Variants in SUFU observed in about 807,000 individuals in gnomAD.
The protein encoded by SUFU is SUFU negative regulator of hedgehog signaling.
Under a neutral mutation model 58.9 loss-of-function variants are expected in SUFU, and 7 were observed. The observed-to-expected ratio is 0.12, with a 90% CI of 0.07 to 0.22. The LOEUF is 0.22. SUFU is among the 10% of genes least tolerant of loss of function. The pLI, the probability that SUFU is intolerant of heterozygous loss-of-function variation, is 1.00. For missense variants in SUFU, 451 were observed against 641.3 expected (o/e 0.70, Z 3.20); for synonymous variants, 232 against 254.8 (o/e 0.91, Z 0.85).
chr10:102,512,989 G>T (rs954785698), intron 2 of SUFU, among the ~76,000 whole-genome samples: 1 of 151,992 alleles, frequency 6.6e-6, no homozygotes, highest in Non-Finnish European at 1.5e-5. Flanking sequence ...GATCACTGGA[G>T]CCTGGGAGTT....
At chr10:102,569,591 C>A (rs2063140774) in intron 3 of SUFU, among the ~76,000 whole-genome samples, 1 of 152,210 alleles carries the variant, frequency 6.6e-6, no homozygotes, top group African/African-American at 2.4e-5. Flanking sequence ...TTATTGCTAT[C>A]TCTTCCTATA....
chr10:102,547,860 A>G lies in SUFU; in HGVS notation c.318-2110A>G, dbSNP rs534524987. Among the ~76,000 whole-genome samples, 3 of 152,046 alleles carry G rather than the reference A, an allele frequency of 2.0e-5. No individual in the cohort carries two copies. The South Asian group carries it at 6.2e-4, about 32-fold the overall frequency. On this transcript the variant is annotated intron_variant, in intron 2 of 11. Transcript: ENST00000369902. ...GAGAGAGAGAGAAAGAAAGAGAGAA[A>G]GAAAGAGAGGCTGGGCATGGTGGCT... is the stretch of plus-strand genomic sequence containing the variant.
chr10:102,534,836 G>A (rs915032366), intron 2 of SUFU, among the ~76,000 whole-genome samples: 1 of 152,158 alleles, frequency 6.6e-6, no homozygotes, highest in Admixed American at 6.6e-5. Context: ...GGAGGTCTGC[G>A]GTTTAGGTTT....
intron 7 of SUFU, among the ~76,000 whole-genome samples, 179 bp from the exon 8 acceptor site, chr10:102,599,254 C>T (rs981772423): frequency 4.6e-5 from 7 of 152,192 alleles, no homozygotes; most frequent in East Asian, 1.9e-4. Context: ...CTTAAGAGCG[C>T]GGTTGTCCCC....
At position 102,628,690 on chromosome 10, in the gene SUFU, C is replaced by G. The variant is rs1481256649; in HGVS notation, c.1366-1376C>G. ...TCCAGAGGCTGTCCCTACACCCTGC[C>G]TCACTCGCCACTTTGGTCCTGGCAG... On this transcript the variant is annotated intron_variant, in intron 11 of 11. Transcript: ENST00000369902. The surrounding 1 kb of genome is among the most constrained non-coding windows in gnomAD (Gnocchi z 4.5). Among the ~76,000 whole-genome samples, 6 of 152,164 alleles carry G rather than the reference C, an allele frequency of 3.9e-5. No homozygotes were observed. The highest frequency in any genetic ancestry group is 7.3e-5 in the Non-Finnish European group (5 of 68,032).
At chr10:102,589,286 T>C (rs993248900) in intron 3 of SUFU, among the ~76,000 whole-genome samples, 2 of 152,122 alleles carry the variant, frequency 1.3e-5, no homozygotes, top group Admixed American at 6.5e-5. Context: ...AACTTTTGCA[T>C]ATTGTTTTTG....
At chr10:102,548,024 C>T (rs1265271434) in intron 2 of SUFU, among the ~76,000 whole-genome samples, 2 of 151,926 alleles carry the variant, frequency 1.3e-5, no homozygotes, top group Admixed American at 6.6e-5. Context: ...GTGCTAGGTG[C>T]CATGATGTGC....
chr10:102,611,621 T>G (rs979189409), intron 8 of SUFU, among the ~76,000 whole-genome samples: 7 of 152,228 alleles, frequency 4.6e-5, no homozygotes, highest in African/African-American at 1.4e-4. Flanking sequence ...AGATAGACTT[T>G]TAGAGGCAGC....
chr10:102,602,228 A>C (rs2063520573), intron 8 of SUFU, among the ~76,000 whole-genome samples: 1 of 152,214 alleles, frequency 6.6e-6, no homozygotes, highest in Admixed American at 6.5e-5. Flanking sequence ...GAGGCTAATA[A>C]GTATCTTTTC....
chr10:102,575,428 C>T (rs563428008), intron 3 of SUFU, among the ~76,000 whole-genome samples: 1 of 152,306 alleles, frequency 6.6e-6, no homozygotes, highest in Non-Finnish European at 1.5e-5. Context: ...GGCCTTCTTG[C>T]TGGTGAGGAG....
chr10:102,556,658 G>A (rs1371219474), intron 3 of SUFU, among the ~76,000 whole-genome samples: 4 of 140,402 alleles, frequency 2.8e-5, no homozygotes, highest in Non-Finnish European at 4.7e-5. Flanking sequence ...CAGGAGAATC[G>A]CTTGAACCCG....
chr10:102,524,629 C>T (rs1331263967), intron 2 of SUFU, among the ~76,000 whole-genome samples: 2 of 152,122 alleles, frequency 1.3e-5, no homozygotes, highest in African/African-American at 2.4e-5. Flanking sequence ...CCTATTTCTT[C>T]TTTAAAACAC....
chr10:102,592,729 G>A lies in SUFU; in HGVS notation c.597+5G>A, dbSNP rs1590062007. The A allele has an allele frequency of 1.2e-6, 2 of 1,613,920 alleles. No individual in the cohort carries two copies. The highest frequency in any genetic ancestry group is 8.5e-7 in the Non-Finnish European group (1 of 1,180,040). On this transcript the variant is annotated splice_donor_5th_base_variant and intron_variant, in intron 4 of 11. Transcript: ENST00000369902. The stretch of plus-strand genomic sequence containing the variant: ...GGGGTAGTTACCTTCCTCCAGGTGA[G>A]GCACAGGTTGGACGCTGGCTCAAGC...
chr10:102,527,498 G>GAT (rs60387903), intron 2 of SUFU, among the ~76,000 whole-genome samples: 10,434 of 148,214 alleles, frequency 0.07, 956 homozygotes, highest in African/African-American at 0.2. Context: ...ATACCATTAA[G>GAT]ATATATATAT....
intron 2 of SUFU, among the ~76,000 whole-genome samples, chr10:102,516,744 C>T (rs2062475709): frequency 6.6e-6 from 1 of 150,952 alleles, no homozygotes; most frequent in South Asian, 2.1e-4. Context: ...GATGAGGTTT[C>T]ACCATGTTGG....
At chr10:102,623,697 T>C (rs1488538590) in intron 10 of SUFU, among the ~76,000 whole-genome samples, 1 of 152,220 alleles carries the variant, frequency 6.6e-6, no homozygotes, top group African/African-American at 2.4e-5. Context: ...CCCAGCACTT[T>C]GGGAGGCCAA....
In SUFU at chr10:102,615,402, G is replaced by C. The variant is rs767814106; in HGVS notation, c.1157G>C (p.Arg386Thr). 1.2e-6 allele frequency: 2 copies of C among 1,613,860 alleles called. No individual in the cohort carries two copies. The highest frequency in any genetic ancestry group is 4.5e-5 in the East Asian group (2 of 44,884). The stretch of plus-strand genomic sequence containing the variant: ...GGAGCCCTCATTCCTCTCTGCCTAA[G>C]GTGAGCGAGACAGCCCTGCCACACA... Reference protein sequence around the residue: ...ESGALIPLCLRGRLLHGRHFT... With the variant: ...ESGALIPLCLTGRLLHGRHFT... Residue 386 changes from arginine (R) to threonine (T), a missense_variant and splice_region_variant, in exon 9 of 12, where the codon AGG (arginine) becomes ACG (threonine). Arg to Thr is a moderately conservative substitution (Grantham distance 71, BLOSUM62 -1). Coordinates refer to ENST00000369902, the MANE Select transcript of SUFU (RefSeq NM_016169.4).
At chr10:102,577,457 C>T (rs147798597) in intron 3 of SUFU, among the ~76,000 whole-genome samples, 12 of 152,078 alleles carry the variant, frequency 7.9e-5, no homozygotes, top group African/African-American at 2.7e-4. Context: ...AAGTGATCCT[C>T]CCACTTCAGC....
intron 7 of SUFU, among the ~76,000 whole-genome samples, chr10:102,597,590 C>T (rs905924675): frequency 6.6e-6 from 1 of 152,228 alleles, no homozygotes; most frequent in Non-Finnish European, 1.5e-5. Context: ...AGCCTCAGAA[C>T]AGTTACAGGA....
Sources: gnomAD v4.1 joint callset for allele counts (sites outside exome capture counted in the v4.1 genomes callset) on GRCh38, gnomAD v4.1.1 for gene constraint, Gnocchi (gnomAD v3.1) non-coding constraint, MANE v1.5 for transcripts, NCBI Gene and HGNC (gene_info 2026-07-23, HGNC 2026-07-21) for gene names.